DACH1: variants seen among roughly 807,000 people sequenced by gnomAD.
DACH1 encodes dachshund homolog 1.
DACH1 carries 12 observed loss-of-function variants against 54.2 expected under a neutral mutation model. The ratio of observed to expected loss-of-function variants is 0.22; its 90% CI spans 0.14 to 0.36. The LOEUF is 0.36. Among genes scored for constraint, DACH1 ranks in the 10% least tolerant of loss-of-function variants. The pLI, the probability that DACH1 is intolerant of heterozygous loss-of-function variation, is 1.00. For synonymous variants in DACH1, 386 were observed against 366.2 expected (o/e 1.05, Z -0.62); for missense variants, 805 against 929.8 (o/e 0.87, Z 1.75).
At chr13:71,829,043 AC>A (rs1357163999) in intron 1 of DACH1, among the ~76,000 whole-genome samples, 2 of 152,042 alleles carry the variant, frequency 1.3e-5, no homozygotes, top group African/African-American at 4.8e-5. Flanking sequence ...ACATTTATGT[AC>A]TAACGTAAGA....
intron 4 of DACH1, among the ~76,000 whole-genome samples, chr13:71,565,438 ATGT>A (rs1400614881): frequency 2.0e-5 from 3 of 152,152 alleles, no homozygotes; most frequent in Admixed American, 1.3e-4. Context: ...CACCTGGTAA[ATGT>A]TGTTAGTGAA....
At chr13:71,828,914 C>T (rs890185008) in intron 1 of DACH1, among the ~76,000 whole-genome samples, 8 of 151,898 alleles carry the variant, frequency 5.3e-5, no homozygotes, top group Non-Finnish European at 1.0e-4. Flanking sequence ...ACTAAACCCC[C>T]TTTCTACTTT....
At chr13:71,557,382 C>A (rs1378459402) in intron 5 of DACH1, among the ~76,000 whole-genome samples, 1 of 152,014 alleles carries the variant, frequency 6.6e-6, no homozygotes, top group Non-Finnish European at 1.5e-5. Context: ...CATCACCTCA[C>A]TTTATTTTTA....
intron 2 of DACH1, among the ~76,000 whole-genome samples, chr13:71,631,206 T>C (rs1422941437): frequency 1.3e-5 from 2 of 152,184 alleles, no homozygotes; most frequent in African/African-American, 2.4e-5. Context: ...TCTTCAAGCA[T>C]GTGCTTTCAC....
At chr13:71,543,184 A>G (rs1308654522) in intron 6 of DACH1, among the ~76,000 whole-genome samples, 1 of 152,110 alleles carries the variant, frequency 6.6e-6, no homozygotes, top group Non-Finnish European at 1.5e-5. Flanking sequence ...TTGGGATCTG[A>G]AGGACTTAGG....
chr13:71,724,557 T>C (rs1219957940), intron 1 of DACH1, among the ~76,000 whole-genome samples: 4 of 152,170 alleles, frequency 2.6e-5, no homozygotes, highest in Non-Finnish European at 5.9e-5. Context: ...CTTGATATGA[T>C]ACAACTATAC....
intron 1 of DACH1, among the ~76,000 whole-genome samples, chr13:71,807,959 C>G (rs1039416577): frequency 3.3e-5 from 5 of 152,112 alleles, no homozygotes; most frequent in African/African-American, 1.2e-4. Flanking sequence ...TCAACCTTAT[C>G]AAATAATGTA....
Position 71,765,671 on chromosome 13 carries a change from C to G in DACH1, c.849-83761G>C, listed in dbSNP as rs751596776. 2.4e-4 allele frequency among the ~76,000 whole-genome samples: 37 copies of G among 152,074 alleles called. 1 individual carries two copies. Among genetic ancestry groups the G allele is most frequent in the Non-Finnish European group, 4.1e-4 (28 of 68,008 alleles). On this transcript the variant is annotated intron_variant, in intron 1 of 10. Coordinates refer to ENST00000613252, the MANE Select transcript of DACH1 (RefSeq NM_080759.6). ...TAATGATGGTTATCATAGGATGTGC[C>G]AAGCACTGTTGAAATGTCTTCATAC...
intron 3 of DACH1, among the ~76,000 whole-genome samples, chr13:71,611,146 G>T (rs181667499): frequency 6.6e-6 from 1 of 152,208 alleles, no homozygotes; most frequent in East Asian, 1.9e-4. Flanking sequence ...ATGATTTATG[G>T]CATAATTCAG....
chr13:71,637,036 A>G (rs1458420863), intron 2 of DACH1, among the ~76,000 whole-genome samples: 1 of 152,150 alleles, frequency 6.6e-6, no homozygotes, highest in African/African-American at 2.4e-5. Flanking sequence ...TTCCTGCTAA[A>G]TTACTGACCA....
intron 1 of DACH1, among the ~76,000 whole-genome samples, chr13:71,689,850 C>T (rs9599872): frequency 0.023 from 3,521 of 152,182 alleles, 69 homozygotes; most frequent in Non-Finnish European, 0.036. Flanking sequence ...ATCTCGCCCT[C>T]GCCCTCGCCC....
intron 1 of DACH1, among the ~76,000 whole-genome samples, chr13:71,737,883 A>G (rs556437900): frequency 7.9e-5 from 12 of 152,344 alleles, no homozygotes; most frequent in Non-Finnish European, 1.6e-4. Flanking sequence ...GACTAAAAAT[A>G]TGAAAGCCTG....
At chr13:71,725,460 C>T (rs1006381598) in intron 1 of DACH1, among the ~76,000 whole-genome samples, 2 of 151,904 alleles carry the variant, frequency 1.3e-5, no homozygotes, top group Admixed American at 1.3e-4. Context: ...AAGTAAAATG[C>T]CCTAGGGAAG....
At chr13:71,837,073 A>G (rs1030736391) in intron 1 of DACH1, among the ~76,000 whole-genome samples, 2 of 151,972 alleles carry the variant, frequency 1.3e-5, no homozygotes, top group Non-Finnish European at 2.9e-5. Context: ...GAGAGTAACA[A>G]TGTGAAAACG....
chr13:71,574,119 A>G (rs1885392122), intron 3 of DACH1, among the ~76,000 whole-genome samples: 1 of 152,148 alleles, frequency 6.6e-6, no homozygotes, highest in Admixed American at 6.5e-5. Flanking sequence ...GAATAAATAC[A>G]TCACTTGTTT....
intron 1 of DACH1, among the ~76,000 whole-genome samples, chr13:71,703,806 G>T (rs1471936896): frequency 1.3e-5 from 2 of 152,090 alleles, no homozygotes; most frequent in Non-Finnish European, 2.9e-5. Context: ...GAGAAAGTTG[G>T]ATTTTAAATG....
rs1877673062 is a variant in DACH1 at position 71,638,620 on chromosome 13, T to C, written c.965-7903A>G. ...TATTTTTAATTTATGAAACCTATTG[T>C]TTACTTCTGTTGAACTAGAAGATTA... On this transcript the variant is annotated intron_variant, in intron 2 of 10. Transcript: ENST00000613252. Among the ~76,000 whole-genome samples the C allele has an allele frequency of 2.6e-5, 4 of 152,268 alleles. No homozygotes were observed. In the South Asian group the frequency reaches 6.2e-4, roughly 24 times the overall value.
At chr13:71,511,802 C>T (rs1383454127) in intron 6 of DACH1, among the ~76,000 whole-genome samples, 2 of 151,974 alleles carry the variant, frequency 1.3e-5, no homozygotes, top group African/African-American at 4.8e-5. Flanking sequence ...AGATTTCCAA[C>T]TGCCAGCAAC....
At chr13:71,805,867 G>A (rs1220407070) in intron 1 of DACH1, among the ~76,000 whole-genome samples, 1 of 152,028 alleles carries the variant, frequency 6.6e-6, no homozygotes, top group African/African-American at 2.4e-5. Context: ...GCAGTGAGTG[G>A]CATGATCTCA....
Sources: allele counts gnomAD v4.1 joint callset (sites outside exome capture counted in the v4.1 genomes callset), GRCh38; gene constraint gnomAD v4.1.1; transcripts MANE v1.5; gene names NCBI Gene and HGNC (gene_info 2026-07-23, HGNC 2026-07-21).